Variants in KISS1 observed in about 807,000 individuals in gnomAD.
The protein encoded by KISS1 is metastasis-suppressor KiSS-1.
For missense variants in KISS1, 182 were observed against 182.7 expected, an observed-to-expected ratio of 1.00 and a Z score of 0.02; for synonymous variants, 97 against 88.7, an observed-to-expected ratio of 1.09 and a Z score of -0.52.
rs1248257843 is a variant in KISS1 at position 204,190,747 on chromosome 1, G to T, written c.154C>A (p.Pro52Thr). 6.2e-7 allele frequency: 1 copy of T among 1,610,898 alleles called. No homozygotes were observed. The highest frequency in any genetic ancestry group is 1.1e-5 in the South Asian group (1 of 90,474). Residue 52 changes from proline (P) to threonine (T), a missense_variant, in exon 3 of 3, where the codon CCG becomes ACG. Pro to Thr is a conservative substitution (Grantham distance 38, BLOSUM62 -1). Coordinates refer to ENST00000367194, the MANE Select transcript of KISS1 (RefSeq NM_002256.4). The stretch of plus-strand genomic sequence containing the variant: ...GCAGCTGGCTTCCTCTCGGTGCACG[G>T]CAGGCTCTGCTCCCCGGGGGCCAGG... The part of the protein sequence containing the change: ...GLLAPGEQSL[P>T]CTERKPAATA...
chr1:204,193,958 T>C (rs1389195569), intron 1 of KISS1, among the ~76,000 whole-genome samples: 2 of 152,212 alleles, frequency 1.3e-5, no homozygotes, highest in African/African-American at 2.4e-5. Context: ...AAGATTGTCC[T>C]GGCCTGACCC....
rs78717544 is a variant in KISS1 at position 204,193,566 on chromosome 1, C to G, written c.-38-652G>C. Among the ~76,000 whole-genome samples, 1,344 of 152,278 alleles carry G rather than the reference C, an allele frequency of 8.8e-3. 18 individuals carry two copies. The highest frequency in any genetic ancestry group is 0.031 in the African/African-American group (1,287 of 41,550). On this transcript the variant is annotated intron_variant, in intron 1 of 2. Coordinates refer to ENST00000367194, the MANE Select transcript of KISS1 (RefSeq NM_002256.4). ...GAAAGAAAGAGGCAATCATCTTGCTCTCTCTCATAGCCCTTCACAGCCTTG... is the reference window on the plus strand; with the variant it reads ...GAAAGAAAGAGGCAATCATCTTGCTGTCTCTCATAGCCCTTCACAGCCTTG...
intron 2 of KISS1, 110 bp from the exon 3 acceptor site, chr1:204,190,907 C>T (rs1571664844): frequency 2.1e-6 from 2 of 967,704 alleles, no homozygotes; most frequent in Middle Eastern, 2.2e-4. Context: ...CTTTTGGAAG[C>T]TCGGAGCTCA....
At position 204,192,724 on chromosome 1, in the gene KISS1, T is replaced by C; in HGVS notation, c.103+50A>G. 1.7e-6 allele frequency: 2 copies of C among 1,146,158 alleles called. No individual in the cohort carries two copies. The highest frequency in any genetic ancestry group is 2.6e-6 in the Non-Finnish European group (2 of 772,962). The allele number at this position is 1,146,158 out of a possible 1,614,324, so 71.0% of individuals were successfully genotyped here. ...ATGGAAAATACGGGAAAGCTCATTT[T>C]GCAACAACCCACTTGCTCCCTCCCA... On this transcript the variant is annotated intron_variant, in intron 2 of 2. Coordinates refer to ENST00000367194, the MANE Select transcript of KISS1 (RefSeq NM_002256.4). The surrounding 1 kb of genome is among the most constrained non-coding windows in gnomAD (Gnocchi z 4.2).
intron 1 of KISS1, among the ~76,000 whole-genome samples, chr1:204,195,477 CCATA>C (rs1291381108): frequency 7.0e-6 from 1 of 142,022 alleles, no homozygotes; most frequent in Non-Finnish European, 1.5e-5. Context: ...ATACACACAT[CCATA>C]CATACACATC....
chr1:204,192,758 C>A lies in KISS1; in HGVS notation c.103+16G>T. The A allele has an allele frequency of 2.6e-6, 4 of 1,533,638 alleles. No homozygotes were observed. The highest frequency in any genetic ancestry group is 3.6e-6 in the Non-Finnish European group (4 of 1,117,250). The stretch of plus-strand genomic sequence containing the variant: ...CCACTTGCTCCCTCCCACTCCTTTC[C>A]CCAGAGGATACATACCTGTGGGTCT... On this transcript the variant is annotated intron_variant, in intron 2 of 2. Coordinates refer to ENST00000367194, the MANE Select transcript of KISS1 (RefSeq NM_002256.4). This position sits in a 1 kb window ranked among gnomAD's most constrained non-coding sequence, Gnocchi z 4.2.
At chr1:204,194,362 C>T (rs975000908) in intron 1 of KISS1, among the ~76,000 whole-genome samples, 1 of 152,228 alleles carries the variant, frequency 6.6e-6, no homozygotes, top group African/African-American at 2.4e-5. Context: ...CAGCTTTCTG[C>T]ATTTACCTTA....
Position 204,190,419 on chromosome 1 carries a change from C to CCCCCCCCCCCCCCCCCCCCCCCCCCT in KISS1, c.*64_*65insAGGGGGGGGGGGGGGGGGGGGGGGGG. ...TCCCTTAGCCCTACGTCCCCGCCCCCCGCCCCCGCCCCGCATGCTCTGACT... is the reference window on the plus strand; with the variant it reads ...TCCCTTAGCCCTACGTCCCCGCCCCCCCCCCCCCCCCCCCCCCCCCCCCCCTCGCCCCCGCCCCGCATGCTCTGACT... On this transcript the variant is annotated 3_prime_UTR_variant, in exon 3 of 3. Transcript: ENST00000367194. 1 of 721,998 alleles carries CCCCCCCCCCCCCCCCCCCCCCCCCCT rather than the reference C, an allele frequency of 1.4e-6. No homozygotes were observed. 44.7% of individuals were successfully genotyped at this position (721,998 alleles called of 1,614,324 possible). A position where few individuals can be genotyped will look rare whatever the true frequency, so the allele number is the denominator to read the frequency against.
At chr1:204,195,249 A>G (rs865859675) in intron 1 of KISS1, among the ~76,000 whole-genome samples, 2 of 9,616 alleles carry the variant, frequency 2.1e-4, no homozygotes, top group East Asian at 3.8e-3. Context: ...ATACACCCAT[A>G]CACACACATC....
chr1:204,190,367 C>T lies in KISS1; in HGVS notation c.*117G>A, dbSNP rs2102327742. 1.9e-6 allele frequency: 2 copies of T among 1,071,996 alleles called. No homozygotes were observed. Among genetic ancestry groups the T allele is most frequent in the African/African-American group, 1.6e-5 (1 of 63,684 alleles). The allele number at this position is 1,071,996 out of a possible 1,614,324, so 66.4% of individuals were successfully genotyped here. A position where few individuals can be genotyped will look rare whatever the true frequency, so the allele number is the denominator to read the frequency against. ...GAGTTACGCAACATTTCTTTTATTG[C>T]CTCGGGTTGGAAGCTCCAGCGCCCC... is the stretch of plus-strand genomic sequence containing the variant. On this transcript the variant is annotated 3_prime_UTR_variant, in exon 3 of 3. Coordinates refer to ENST00000367194, the MANE Select transcript of KISS1 (RefSeq NM_002256.4).
chr1:204,194,828 C>T (rs1246399861), intron 1 of KISS1, among the ~76,000 whole-genome samples: 1 of 152,048 alleles, frequency 6.6e-6, no homozygotes, highest in East Asian at 1.9e-4. Flanking sequence ...AAGGGAACTT[C>T]AGGCCCTCTA....
Position 204,192,777 on chromosome 1 carries a change from TG to T in KISS1, c.99del (p.Thr34GlnfsTer5). 6.3e-7 allele frequency: 1 copy of T among 1,585,844 alleles called. No homozygotes were observed. The highest frequency in any genetic ancestry group is 8.6e-7 in the Non-Finnish European group (1 of 1,161,274). On this transcript the variant is annotated frameshift_variant, in exon 2 of 3. Transcript: ENST00000367194. LOFTEE classifies it low-confidence loss of function (END_TRUNC). This position sits in a 1 kb window ranked among gnomAD's most constrained non-coding sequence, Gnocchi z 4.2. ...EKVASVGNSRPTGQQLESLGL... is the reference protein window; with the variant it reads ...EKVASVGNSRXTGQQLESLGL... ...CCTTTCCCCAGAGGATACATACCTG[TG>T]GGTCTAGAATTCCCCACAGAGGCCA...
chr1:204,190,409 T>TTTC lies in KISS1; in HGVS notation c.*74_*75insGAA. 1.8e-6 allele frequency: 1 copy of TTTC among 570,140 alleles called. No homozygotes were observed. The allele number at this position is 570,140 out of a possible 1,614,324, so 35.3% of individuals were successfully genotyped here. A position where few individuals can be genotyped will look rare whatever the true frequency, so the allele number is the denominator to read the frequency against. On this transcript the variant is annotated 3_prime_UTR_variant, in exon 3 of 3. Transcript: ENST00000367194. ...CAGCGCCCCCTCCCTTAGCCCTACGTCCCCGCCCCCCGCCCCCGCCCCGCA... is the reference window on the plus strand; with the variant it reads ...CAGCGCCCCCTCCCTTAGCCCTACGTTTCCCCCGCCCCCCGCCCCCGCCCCGCA...
chr1:204,192,369 C>A lies in KISS1; in HGVS notation c.103+405G>T, dbSNP rs1181229611. On this transcript the variant is annotated intron_variant, in intron 2 of 2. Transcript: ENST00000367194. This position sits in a 1 kb window ranked among gnomAD's most constrained non-coding sequence, Gnocchi z 4.2. Reference sequence around the variant, plus strand: ...TTGTCTCCAAAAGGTTAATAGGTATCAAATATCTGCCCTTTGGTTTAGGTT... The same window carrying A: ...TTGTCTCCAAAAGGTTAATAGGTATAAAATATCTGCCCTTTGGTTTAGGTT... 6.6e-6 allele frequency among the ~76,000 whole-genome samples: 1 copy of A among 150,630 alleles called. No homozygotes were observed. The highest frequency in any genetic ancestry group is 2.5e-5 in the African/African-American group (1 of 40,776).
intron 1 of KISS1, among the ~76,000 whole-genome samples, chr1:204,195,415 AC>A (rs1658837519): frequency 7.2e-6 from 1 of 138,668 alleles, no homozygotes; most frequent in South Asian, 2.5e-4. Flanking sequence ...ACGCACACAC[AC>A]CACACACACA....
At chr1:204,191,650 C>T (rs1207005458) in intron 2 of KISS1, among the ~76,000 whole-genome samples, 3 of 152,328 alleles carry the variant, frequency 2.0e-5, no homozygotes, top group South Asian at 2.1e-4. Flanking sequence ...TGTGCTGGGG[C>T]GGCAGTTGGC....
At position 204,191,273 on chromosome 1, in the gene KISS1, C is replaced by T. The variant is rs1658738713; in HGVS notation, c.104-476G>A. Among the ~76,000 whole-genome samples, 8 of 152,204 alleles carry T rather than the reference C, an allele frequency of 5.3e-5. 1 individual carries two copies. The South Asian group carries it at 1.5e-3, about 28-fold the overall frequency. ...GCTAAAAACGTGTAGTAACAGAAAT[C>T]GAGAAAGTGGAGCTAAGACATTGTG... On this transcript the variant is annotated intron_variant, in intron 2 of 2. Transcript: ENST00000367194.
chr1:204,196,203 T>C (rs1225084708), intron 1 of KISS1, among the ~76,000 whole-genome samples, 173 bp downstream of exon 1: 1 of 152,204 alleles, frequency 6.6e-6, no homozygotes, highest in African/African-American at 2.4e-5. Context: ...CGCCCAGGCA[T>C]CCCAGGATAA....
At chr1:204,191,819 A>G (rs2102328816) in intron 2 of KISS1, among the ~76,000 whole-genome samples, 1 of 152,318 alleles carries the variant, frequency 6.6e-6, no homozygotes, top group Non-Finnish European at 1.5e-5. Context: ...CGCACGCTAG[A>G]CCAGTAGTAA....
Sources: allele counts gnomAD v4.1 joint callset (sites outside exome capture counted in the v4.1 genomes callset), GRCh38; gene constraint gnomAD v4.1.1; non-coding constraint Gnocchi (gnomAD v3.1); transcripts MANE v1.5; gene names NCBI Gene and HGNC (gene_info 2026-07-23, HGNC 2026-07-21).